Variants in DGKB observed in about 807,000 individuals in gnomAD.
DGKB encodes the protein 90 kDa diacylglycerol kinase.
DGKB carries 67 observed loss-of-function variants against 114.3 expected under a neutral mutation model. The observed-to-expected ratio is 0.59, with a 90% CI of 0.48 to 0.72. The LOEUF (loss-of-function observed/expected upper bound fraction) is 0.72. Among genes scored for constraint, DGKB ranks in the 30% least tolerant of loss-of-function variants. The pLI, the probability that DGKB is intolerant of heterozygous loss-of-function variation, is 0.00. For missense variants in DGKB, 907 were observed against 975.2 expected (o/e 0.93, Z 0.93); for synonymous variants, 398 against 323.1 (o/e 1.23, Z -2.49).
intron 17 of DGKB, among the ~76,000 whole-genome samples, chr7:14,606,602 A>ATT (rs1484405305): frequency 8.6e-5 from 13 of 151,418 alleles, no homozygotes; most frequent in African/African-American, 3.2e-4. Flanking sequence ...TTTTTTTTAA[A>ATT]AAAAAAAAAT....
At chr7:14,241,967 C>T (rs1476856219) in intron 23 of DGKB, among the ~76,000 whole-genome samples, 75 of 149,556 alleles carry the variant, frequency 5.0e-4, no homozygotes, top group African/African-American at 9.0e-4. Flanking sequence ...TACACACACA[C>T]ACACACACAC....
chr7:14,364,932 T>A (rs1816401186), intron 21 of DGKB, among the ~76,000 whole-genome samples: 1 of 152,022 alleles, frequency 6.6e-6, no homozygotes, highest in Admixed American at 6.6e-5. Flanking sequence ...AAGGTCACCA[T>A]CTGCAAACGT....
chr7:14,384,156 C>T (rs1161023960), intron 21 of DGKB, among the ~76,000 whole-genome samples: 2 of 152,162 alleles, frequency 1.3e-5, no homozygotes, highest in African/African-American at 2.4e-5. Flanking sequence ...TACGTAAGTA[C>T]ATTTTTAGAT....
chr7:14,200,647 A>G (rs1252246124), intron 23 of DGKB, among the ~76,000 whole-genome samples: 1 of 152,078 alleles, frequency 6.6e-6, no homozygotes, highest in Non-Finnish European at 1.5e-5. Context: ...ACAAAGTTAC[A>G]TTGAGCACCA....
Position 14,916,672 on chromosome 7 carries a change from T to C in DGKB, c.-188+58024A>G, listed in dbSNP as rs149485321. Among the ~76,000 whole-genome samples, 25 of 152,014 alleles carry C rather than the reference T, an allele frequency of 1.6e-4. No individual in the cohort carries two copies. The East Asian group carries it at 2.9e-3, about 18-fold the overall frequency. On this transcript the variant is annotated intron_variant, in intron 1 of 4. Coordinates refer to the DGKB transcript ENST00000437998. ...AGGCAAAAAATGATAGAAAGAGAAA[T>C]AGAAAATTCATTATTATAGTTGGAA...
At chr7:14,557,148 C>T (rs554426358) in intron 20 of DGKB, among the ~76,000 whole-genome samples, 9 of 152,154 alleles carry the variant, frequency 5.9e-5, no homozygotes, top group African/African-American at 1.7e-4. Flanking sequence ...TTTTAACAAG[C>T]CCCTTAGGTG....
chr7:14,475,130 T>C (rs919521165), intron 21 of DGKB, among the ~76,000 whole-genome samples: 5 of 152,180 alleles, frequency 3.3e-5, no homozygotes, highest in Non-Finnish European at 5.9e-5. Context: ...TTCTTTAAAA[T>C]ATAAATGAAT....
chr7:14,504,423 A>G (rs547967100), intron 20 of DGKB, among the ~76,000 whole-genome samples: 1 of 152,162 alleles, frequency 6.6e-6, no homozygotes, highest in East Asian at 1.9e-4. Flanking sequence ...TCTTATCCGG[A>G]CTCATTAAAG....
At chr7:14,863,573 A>G (rs929120106) in intron 1 of DGKB, among the ~76,000 whole-genome samples, 55 of 152,050 alleles carry the variant, frequency 3.6e-4, no homozygotes, top group Non-Finnish European at 6.5e-4. Context: ...TGCTACCTAA[A>G]TAAGAATGCT....
rs759488268 is a variant in DGKB, at chr7:14,682,573, A to C, written c.1015T>G (p.Cys339Gly). The C allele has an allele frequency of 6.2e-7, 1 of 1,612,974 alleles. No individual in the cohort carries two copies. The highest frequency in any genetic ancestry group is 8.5e-7 in the Non-Finnish European group (1 of 1,179,224). Residue 339 changes from cysteine (C) to glycine (G), a missense_variant, in exon 12 of 26, where the codon TGT (cysteine) becomes GGT (glycine). Transcript: ENST00000402815. ...CTCACTGTGATCTGACACCAAACAC[A>C]ATGCAGTCCTGTCAGGCCCTGGTAA... ...KCYQGLTGLH[C>G]VWCQITLHNK... is the part of the protein sequence containing the mutation.
Position 14,195,706 on chromosome 7 carries a change from T to C in DGKB, c.2123-17555A>G, listed in dbSNP as rs147293377. ...ACATAAAAATAAAATTTTAGAAACA[T>C]GGTAGTACATTTGAACTCACTTATA... is the stretch of plus-strand genomic sequence containing the variant. On this transcript the variant is annotated intron_variant, in intron 23 of 25. Transcript: ENST00000402815. Among the ~76,000 whole-genome samples, 1,100 of 152,246 alleles carry C rather than the reference T, an allele frequency of 7.2e-3. 18 individuals are homozygous for C. Among genetic ancestry groups the C allele is most frequent in the African/African-American group, 0.025 (1,050 of 41,558 alleles).
chr7:14,167,839 A>C (rs1784834050), intron 25 of DGKB, among the ~76,000 whole-genome samples: 1 of 152,172 alleles, frequency 6.6e-6, no homozygotes, highest in Admixed American at 6.5e-5. Flanking sequence ...AACAACAATA[A>C]ATTAACATTT....
chr7:14,478,127 T>A (rs1372873122), intron 21 of DGKB, 34 bp downstream of exon 21: 1 of 1,465,500 alleles, frequency 6.8e-7, no homozygotes, highest in Non-Finnish European at 9.4e-7. Context: ...ATTCAGCAAC[T>A]ATATCTATAA....
chr7:14,435,440 A>C (rs1275351239), intron 21 of DGKB, among the ~76,000 whole-genome samples: 4 of 152,114 alleles, frequency 2.6e-5, no homozygotes, highest in Non-Finnish European at 5.9e-5. Context: ...AATTATTTAA[A>C]TGTCTAAATC....
intron 2 of DGKB, among the ~76,000 whole-genome samples, chr7:14,803,266 G>T (rs1270118610): frequency 6.6e-6 from 1 of 152,116 alleles, no homozygotes; most frequent in Non-Finnish European, 1.5e-5. Context: ...AAGGAGAAGA[G>T]AGAAAGTGAT....
intron 21 of DGKB, among the ~76,000 whole-genome samples, chr7:14,438,660 G>A (rs563812852): frequency 3.0e-4 from 45 of 152,208 alleles, no homozygotes; most frequent in Non-Finnish European, 5.4e-4. Context: ...ATAGATAACA[G>A]CATAGTTAGA....
At chr7:14,929,317 C>T (rs971072636) in intron 1 of DGKB, among the ~76,000 whole-genome samples, 6 of 152,080 alleles carry the variant, frequency 3.9e-5, no homozygotes, top group African/African-American at 1.4e-4. Flanking sequence ...ACACTGTTTT[C>T]ATAGAGGTTG....
intron 13 of DGKB, among the ~76,000 whole-genome samples, chr7:14,641,901 A>G (rs902574324): frequency 1.3e-5 from 2 of 152,228 alleles, no homozygotes; most frequent in East Asian, 3.9e-4. Context: ...TTGCATGCAA[A>G]TTGCACCAAG....
intron 6 of DGKB, among the ~76,000 whole-genome samples, chr7:14,718,280 T>G (rs186346100): frequency 1.1e-3 from 174 of 152,262 alleles, no homozygotes; most frequent in African/African-American, 3.8e-3. Context: ...TCCAGAGAAC[T>G]GAGGAACAGC....
Sources: gnomAD v4.1 joint callset for allele counts (sites outside exome capture counted in the v4.1 genomes callset) on GRCh38, gnomAD v4.1.1 for gene constraint, MANE v1.5 for transcripts, NCBI Gene and HGNC (gene_info 2026-07-23, HGNC 2026-07-21) for gene names.